NLRP13: variants seen among roughly 807,000 people sequenced by gnomAD.
NLRP13 encodes NLR family pyrin domain containing 13.
In NLRP13, 82 loss-of-function variants were observed where a neutral mutation model predicts 94.4. The ratio of observed to expected loss-of-function variants is 0.87; its 90% CI spans 0.73 to 1.04. NLRP13 has a LOEUF of 1.04. Ranked by LOEUF, NLRP13 falls within the 50% of genes least tolerant of loss-of-function variation. The pLI is 0.00. For synonymous variants in NLRP13, 553 were observed against 464.7 expected, an observed-to-expected ratio of 1.19 and a Z score of -2.45; for missense variants, 1,426 against 1,230.8, an observed-to-expected ratio of 1.16 and a Z score of -2.37.
chr19:55,929,793 G>A (rs918547871), intron 1 of NLRP13, among the ~76,000 whole-genome samples: 2 of 151,786 alleles, frequency 1.3e-5, no homozygotes, highest in South Asian at 4.2e-4. Context: ...AAAGTAGAAA[G>A]AGGAAAATAA....
intron 4 of NLRP13, among the ~76,000 whole-genome samples, chr19:55,915,892 AC>A (rs1307454224): frequency 6.6e-6 from 1 of 152,178 alleles, no homozygotes; most frequent in East Asian, 1.9e-4. Flanking sequence ...CATAAAAGCT[AC>A]TGCAACTGCT....
Position 55,932,151 on chromosome 19 carries a change from C to A in NLRP13, c.161G>T (p.Arg54Leu), listed in dbSNP as rs779537140. The A allele has an allele frequency of 1.2e-6, 2 of 1,614,028 alleles. No individual in the cohort carries two copies. The highest frequency in any genetic ancestry group is 1.3e-5 in the African/African-American group (1 of 74,942). Residue 54 changes from arginine to leucine, a missense_variant, in exon 1 of 11, where the codon CGT becomes CTT. Coordinates refer to ENST00000342929, the MANE Select transcript of NLRP13 (RefSeq NM_176810.2). ...AGCTCTCAAGTTTGCCCAGGGGATA[C>A]GCGGGAAGTGCCCCTGGGGGGCCGA... ...FWSAPQGHFPRIPWANLRAAD... is the reference protein window; with the variant it reads ...FWSAPQGHFPLIPWANLRAAD...
At position 55,913,083 on chromosome 19, in the gene NLRP13, G is replaced by A; in HGVS notation, c.734C>T (p.Ala245Val). 6.2e-7 allele frequency: 1 copy of A among 1,614,134 alleles called. No individual in the cohort carries two copies. The highest frequency in any genetic ancestry group is 8.5e-7 in the Non-Finnish European group (1 of 1,180,030). ...TGCCCAGTGCAGCATAGCCTGCATT[G>A]CCAAGGTGGTCTTCCCAACCCCTGC... Reference protein sequence around the residue: ...GRAGVGKTTLAMQAMLHWANG... With the variant: ...GRAGVGKTTLVMQAMLHWANG... The change falls in exon 5 of 11, where the codon GCA becomes GTA. Residue 245 changes from alanine (A) to valine (V), a missense_variant. By Grantham distance (64) the Ala-to-Val change is moderately conservative (BLOSUM62 0). Coordinates refer to ENST00000342929, the MANE Select transcript of NLRP13 (RefSeq NM_176810.2).
At chr19:55,905,279 C>T (rs1191383730) in intron 7 of NLRP13, among the ~76,000 whole-genome samples, 167 bp from the exon 8 acceptor site, 5 of 151,750 alleles carry the variant, frequency 3.3e-5, no homozygotes, top group South Asian at 2.1e-4. Flanking sequence ...CAGTGGCTGA[C>T]GCCTGTAATC....
At position 55,924,843 on chromosome 19, in the gene NLRP13, A is replaced by C. The variant is rs1168966820; in HGVS notation, c.388+124T>G. ...AAGCAATACTGAAAGAATTAGTTGG[A>C]AAGTTTTTAATTTTTTATGCACTAT... On this transcript the variant is annotated intron_variant, in intron 2 of 10. Transcript: ENST00000342929. 3.3e-6 allele frequency: 3 copies of C among 920,628 alleles called. No homozygotes were observed. The African/African-American group carries it at 5.0e-5, about 15-fold the overall frequency. 57.0% of individuals were successfully genotyped at this position (920,628 alleles called of 1,614,324 possible).
At chr19:55,906,828 A>G (rs1487583371) in intron 7 of NLRP13, among the ~76,000 whole-genome samples, 1 of 152,122 alleles carries the variant, frequency 6.6e-6, no homozygotes, top group East Asian at 1.9e-4. Flanking sequence ...GATGGCCCGC[A>G]TGTCAACGCT....
intron 4 of NLRP13, 148 bp downstream of exon 4, chr19:55,923,766 C>T (rs1432618016): frequency 4.7e-6 from 3 of 632,252 alleles, no homozygotes; most frequent in Admixed American, 2.7e-5. Flanking sequence ...ACAAATTGTA[C>T]TGGAAGAACC....
At chr19:55,911,068 G>A (rs528738739) in intron 5 of NLRP13, among the ~76,000 whole-genome samples, 25 of 152,160 alleles carry the variant, frequency 1.6e-4, no homozygotes, top group Admixed American at 1.6e-3. Flanking sequence ...TGTGGGGGTT[G>A]CAAGACCACC....
chr19:55,903,463 G>C (rs1253672551), intron 8 of NLRP13, among the ~76,000 whole-genome samples: 1 of 152,138 alleles, frequency 6.6e-6, no homozygotes, highest in African/African-American at 2.4e-5. Flanking sequence ...GATGCAGCTA[G>C]AGAAGAGGAG....
At position 55,912,504 on chromosome 19, in the gene NLRP13, G is replaced by A. The variant is rs150168405; in HGVS notation, c.1313C>T (p.Pro438Leu). The A allele has an allele frequency of 8.7e-5, 141 of 1,614,140 alleles. No individual in the cohort carries two copies. The highest frequency in any genetic ancestry group is 4.2e-4 in the East Asian group (19 of 44,882). Residue 438 changes from proline (P) to leucine (L), a missense_variant, in exon 5 of 11, where the codon CCG becomes CTG. By Grantham distance (98) the Pro-to-Leu change is moderately conservative. Coordinates refer to ENST00000342929, the MANE Select transcript of NLRP13 (RefSeq NM_176810.2). Reference protein sequence around the residue: ...CWTVCSCLKQPKVRYYDLQSI... With the variant: ...CWTVCSCLKQLKVRYYDLQSI... ...CTGGAGATCGTAATACCTCACCTTCGGCTGCTTCAGACAGGAACATACGGT... is the reference window on the plus strand; with the variant it reads ...CTGGAGATCGTAATACCTCACCTTCAGCTGCTTCAGACAGGAACATACGGT...
chr19:55,899,750 A>G (rs1181461772), intron 9 of NLRP13, among the ~76,000 whole-genome samples: 1 of 152,162 alleles, frequency 6.6e-6, no homozygotes, highest in Non-Finnish European at 1.5e-5. Context: ...ATTGTACTCC[A>G]GCCTGGGCGA....
downstream of NLRP13, among the ~76,000 whole-genome samples, chr19:55,893,337 G>A (rs215237): frequency 0.68 from 102,685 of 151,284 alleles, 36,567 homozygotes; most frequent in East Asian, 0.94. Context: ...GCGGTGAGCC[G>A]AGATCACGCC....
chr19:55,924,977 T>A lies in NLRP13; in HGVS notation c.378A>T (p.Glu126Asp). 1 of 1,614,084 alleles carries A rather than the reference T, an allele frequency of 6.2e-7. No individual in the cohort carries two copies. Among genetic ancestry groups the A allele is most frequent in the Non-Finnish European group, 8.5e-7 (1 of 1,179,914 alleles). Residue 126 changes from glutamate (E) to aspartate (D), a missense_variant, in exon 2 of 11, where the codon GAA becomes GAT. Transcript: ENST00000342929. ...AAGTAGTGTACACACCTGCTGCTGC[T>A]TCTAGCATCTCTAGATCTTCCTGGG... ...DPTQEDLEMLEAAAGNMQTQG... is the reference protein window; with the variant it reads ...DPTQEDLEMLDAAAGNMQTQG...
intron 1 of NLRP13, among the ~76,000 whole-genome samples, chr19:55,926,861 A>G (rs1481975740): frequency 6.6e-6 from 1 of 152,224 alleles, no homozygotes; most frequent in African/African-American, 2.4e-5. Context: ...ATAACTTTGA[A>G]AAGTATGAAT....
Position 55,905,131 on chromosome 19 carries a change from C to CA in NLRP13, c.2448-20dup. ...CTCCAGGCTGTGGAAGGTGCAGGTG[C>CA]AAGGTGAGCCTCAGCCATGATGCCC... On this transcript the variant is annotated intron_variant, in intron 7 of 10. Coordinates refer to ENST00000342929, the MANE Select transcript of NLRP13 (RefSeq NM_176810.2). 5 of 1,612,336 alleles carry CA rather than the reference C, an allele frequency of 3.1e-6. No homozygotes were observed. The highest frequency in any genetic ancestry group is 4.2e-6 in the Non-Finnish European group (5 of 1,179,182).
chr19:55,919,966 AC>A (rs1183870546), intron 4 of NLRP13, among the ~76,000 whole-genome samples: 1 of 152,194 alleles, frequency 6.6e-6, no homozygotes, highest in African/African-American at 2.4e-5. Flanking sequence ...ACAGCATGGT[AC>A]TAGTACAAAA....
chr19:55,899,033 C>T (rs1986094955), intron 9 of NLRP13, 96 bp from the exon 10 acceptor site: 1 of 1,316,226 alleles, frequency 7.6e-7, no homozygotes, highest in Non-Finnish European at 1.0e-6. Context: ...GGAAAGGAGA[C>T]ACCCTGAAGC....
intron 2 of NLRP13, 113 bp downstream of exon 2, chr19:55,924,854 T>C (rs1468095826): frequency 9.0e-6 from 9 of 995,754 alleles, no homozygotes; most frequent in East Asian, 2.5e-5. Flanking sequence ...AAGTTTTTAA[T>C]TTTTTATGCA....
intron 1 of NLRP13, among the ~76,000 whole-genome samples, chr19:55,928,196 C>A (rs1212506938): frequency 6.6e-6 from 1 of 152,156 alleles, no homozygotes; most frequent in South Asian, 2.1e-4. Context: ...GGAAACGGGG[C>A]TCCTGTGATG....
Sources: allele counts gnomAD v4.1 joint callset (sites outside exome capture counted in the v4.1 genomes callset), GRCh38; gene constraint gnomAD v4.1.1; transcripts MANE v1.5; gene names NCBI Gene and HGNC (gene_info 2026-07-23, HGNC 2026-07-21).